The following OR2M4 variants were observed in gnomAD, a reference collection of about 807,000 sequenced individuals.
OR2M4 encodes olfactory receptor family 2 subfamily M member 4.
OR2M4 carries 8 observed loss-of-function variants against 13.7 expected under a neutral mutation model. The ratio of observed to expected loss-of-function variants is 0.58; its 90% CI spans 0.34 to 1.05. The LOEUF is 1.05. OR2M4 is among the 50% of genes least tolerant of loss of function. OR2M4 has a pLI of 0.02. For missense variants in OR2M4, 374 were observed against 381.6 expected, an observed-to-expected ratio of 0.98 and a Z score of 0.17; for synonymous variants, 152 against 141.3, an observed-to-expected ratio of 1.08 and a Z score of -0.53.
In OR2M4 at chr1:248,239,644, CTA is replaced by C; in HGVS notation, c.717_718del (p.Thr240LeufsTer25). On this transcript the variant is annotated frameshift_variant, in exon 2 of 2. Transcript: ENST00000641868. LOFTEE classifies it high-confidence loss of function. Reference sequence around the variant, plus strand: ...GGGGAAAGTCGTCGCAAGGCCTTCACTACCTGCTCCTCCCACCTGTCTGTGGT... The same window carrying C: ...GGGGAAAGTCGTCGCAAGGCCTTCACCCTGCTCCTCCCACCTGTCTGTGGT... 6.2e-7 allele frequency: 1 copy of C among 1,614,136 alleles called. No homozygotes were observed. The highest frequency in any genetic ancestry group is 8.5e-7 in the Non-Finnish European group (1 of 1,180,022).
chr1:248,241,165 G>A lies in OR2M4; in HGVS notation c.*1301G>A, dbSNP rs751093288. 14 of 152,362 alleles carry A rather than the reference G, an allele frequency of 9.2e-5. No individual in the cohort carries two copies. The highest frequency in any genetic ancestry group is 3.3e-4 in the Admixed American group (5 of 15,302). The allele number at this position is 152,362 out of a possible 1,614,324, so 9.4% of individuals were successfully genotyped here. ...AGAGACAGCAGCTGGGGCAACTGAG[G>A]TTGTGCTGGCATCACCCTTGCCTAA... On this transcript the variant is annotated 3_prime_UTR_variant, in exon 2 of 2. Coordinates refer to ENST00000641868, the MANE Select transcript of OR2M4 (RefSeq NM_017504.2).
chr1:248,238,811 G>A (rs1324210154), intron 1 of OR2M4, 99 bp from the exon 2 acceptor site: 1 of 673,258 alleles, frequency 1.5e-6, no homozygotes, highest in African/African-American at 1.8e-5. Flanking sequence ...TGGTGAGAAG[G>A]CCTTATGCAT....
At position 248,239,898 on chromosome 1, in the gene OR2M4, T is replaced by C. The variant is rs1666601191; in HGVS notation, c.*34T>C. 1 of 1,319,262 alleles carries C rather than the reference T, an allele frequency of 7.6e-7. No homozygotes were observed. The highest frequency in any genetic ancestry group is 1.5e-5 in the African/African-American group (1 of 67,536). The allele number at this position is 1,319,262 out of a possible 1,614,324, so 81.7% of individuals were successfully genotyped here. A position where few individuals can be genotyped will look rare whatever the true frequency, so the allele number is the denominator to read the frequency against. ...AAATCTTTTTGAGTGCCTACTGTGGTCAACACTCATTCAAAAAAACTGGAA... is the reference window on the plus strand; with the variant it reads ...AAATCTTTTTGAGTGCCTACTGTGGCCAACACTCATTCAAAAAAACTGGAA... On this transcript the variant is annotated 3_prime_UTR_variant, in exon 2 of 2. Transcript: ENST00000641868.
chr1:248,234,330 G>A (rs748601238), intron 1 of OR2M4, among the ~76,000 whole-genome samples: 24 of 151,736 alleles, frequency 1.6e-4, no homozygotes, highest in Admixed American at 8.5e-4. Flanking sequence ...TACATGTGCA[G>A]AACATGCGGG....
rs1413089932 is a variant in OR2M4 at position 248,240,050 on chromosome 1, A to G, written c.*186A>G. 3 of 488,026 alleles carry G rather than the reference A, an allele frequency of 6.1e-6. No homozygotes were observed. The highest frequency in any genetic ancestry group is 2.0e-5 in the African/African-American group (1 of 50,692). 30.2% of individuals were successfully genotyped at this position (488,026 alleles called of 1,614,324 possible). ...GTATACTAAGCTAGATTTGGATGTT[A>G]GTATAAGTGGTTTAATCCCTGTGAA... is the stretch of plus-strand genomic sequence containing the variant. On this transcript the variant is annotated 3_prime_UTR_variant, in exon 2 of 2. Coordinates refer to ENST00000641868, the MANE Select transcript of OR2M4 (RefSeq NM_017504.2).
rs1193052148 is a variant in OR2M4 at position 248,239,206 on chromosome 1, C to T, written c.278C>T (p.Ser93Phe). The T allele has an allele frequency of 6.2e-7, 1 of 1,614,164 alleles. No homozygotes were observed. The highest frequency in any genetic ancestry group is 1.1e-5 in the South Asian group (1 of 91,084). ...TACTTGTCTGGGAAGAAATCTATCT[C>T]TCTGGCAGGTTGTGGAACTCAGATA... ...FSYLSGKKSI[S>F]LAGCGTQIFF... The change falls in exon 2 of 2, where the codon TCT (serine) becomes TTT (phenylalanine). Residue 93 changes from serine to phenylalanine, a missense_variant. By Grantham distance (155) the Ser-to-Phe change is radical. Transcript: ENST00000641868.
At chr1:248,235,775 G>T (rs2103022085) in intron 1 of OR2M4, among the ~76,000 whole-genome samples, 1 of 152,206 alleles carries the variant, frequency 6.6e-6, no homozygotes, top group East Asian at 1.9e-4. Context: ...GTAAATGGAA[G>T]TTCATTCATG....
At position 248,239,680 on chromosome 1, in the gene OR2M4, A is replaced by G. The variant is rs142912142; in HGVS notation, c.752A>G (p.Tyr251Cys). The G allele has an allele frequency of 2.5e-6, 4 of 1,613,908 alleles. No homozygotes were observed. In the African/African-American group the frequency reaches 4.0e-5, roughly 16 times the overall value. Residue 251 changes from tyrosine (Y) to cysteine (C), a missense_variant, in exon 2 of 2, where the codon TAC (tyrosine) becomes TGC (cysteine). Tyr to Cys is a radical substitution (Grantham distance 194). Coordinates refer to ENST00000641868, the MANE Select transcript of OR2M4 (RefSeq NM_017504.2). The part of the protein sequence containing the change: ...CSSHLSVVGL[Y>C]YGAAMFMYMR... Reference sequence around the variant, plus strand: ...TCCCACCTGTCTGTGGTCGGACTCTACTACGGTGCTGCTATGTTCATGTAC... The same window carrying G: ...TCCCACCTGTCTGTGGTCGGACTCTGCTACGGTGCTGCTATGTTCATGTAC...
chr1:248,232,587 C>T lies in OR2M4; in HGVS notation c.-20+1007C>T, dbSNP rs77207365. ...ATTCTTCCTCTCACTTAGTCAAGTG[C>T]CTTCTATCATTTTCCTCATTCTTCT... On this transcript the variant is annotated intron_variant, in intron 1 of 1. Transcript: ENST00000641868. Among the ~76,000 whole-genome samples the T allele has an allele frequency of 4.4e-3, 665 of 152,210 alleles. 4 individuals carry two copies. The highest frequency in any genetic ancestry group is 0.015 in the African/African-American group (619 of 41,520).
Position 248,239,741 on chromosome 1 carries a change from C to A in OR2M4, c.813C>A (p.Asp271Glu), listed in dbSNP as rs1190135768. ...RPASKHTPDQ[D>E]KMVSAFYTIL... is the part of the protein sequence containing the mutation. ...CTTCTAAACATACGCCAGACCAGGA[C>A]AAGATGGTGTCGGCCTTCTACACTA... The change falls in exon 2 of 2, where the codon GAC becomes GAA. Residue 271 changes from aspartate to glutamate, a missense_variant. Asp to Glu is a conservative substitution (Grantham distance 45). Transcript: ENST00000641868. 2.5e-6 allele frequency: 4 copies of A among 1,613,966 alleles called. No homozygotes were observed. Among genetic ancestry groups the A allele is most frequent in the Admixed American group, 1.7e-5 (1 of 59,986 alleles).
intron 1 of OR2M4, among the ~76,000 whole-genome samples, chr1:248,233,116 A>G (rs1359444992): frequency 6.6e-6 from 1 of 152,116 alleles, no homozygotes; most frequent in African/African-American, 2.4e-5. Context: ...GGTCTCTGTT[A>G]TTTAGTTTTC....
chr1:248,233,858 GA>G (rs1253705064), intron 1 of OR2M4, among the ~76,000 whole-genome samples: 2 of 151,748 alleles, frequency 1.3e-5, no homozygotes, highest in African/African-American at 4.8e-5. Context: ...AGCCATGTTT[GA>G]AAAAAAGGCG....
intron 1 of OR2M4, among the ~76,000 whole-genome samples, chr1:248,237,474 T>C (rs934862401): frequency 9.9e-5 from 15 of 152,038 alleles, no homozygotes; most frequent in Non-Finnish European, 1.8e-4. Flanking sequence ...ACCAACATGG[T>C]GTAACCCTAT....
rs1212375478 is a variant in OR2M4, at chr1:248,240,955, G to A, written c.*1091G>A. On this transcript the variant is annotated 3_prime_UTR_variant, in exon 2 of 2. Coordinates refer to ENST00000641868, the MANE Select transcript of OR2M4 (RefSeq NM_017504.2). ...ATTTAAACCAGCCCTTGTCAGAGGG[G>A]AATTACTGATCCCAGTGGTCAAAAC... is the stretch of plus-strand genomic sequence containing the variant. The A allele has an allele frequency of 6.6e-6, 1 of 152,242 alleles. No homozygotes were observed. The highest frequency in any genetic ancestry group is 2.4e-5 in the African/African-American group (1 of 41,438). 9.4% of individuals were successfully genotyped at this position (152,242 alleles called of 1,614,324 possible).
At position 248,240,943 on chromosome 1, in the gene OR2M4, C is replaced by T. The variant is rs1666613499; in HGVS notation, c.*1079C>T. 6.6e-6 allele frequency: 1 copy of T among 152,218 alleles called. No individual in the cohort carries two copies. The highest frequency in any genetic ancestry group is 6.5e-5 in the Admixed American group (1 of 15,284). The allele number at this position is 152,218 out of a possible 1,614,324, so 9.4% of individuals were successfully genotyped here. On this transcript the variant is annotated 3_prime_UTR_variant, in exon 2 of 2. Coordinates refer to ENST00000641868, the MANE Select transcript of OR2M4 (RefSeq NM_017504.2). Reference sequence around the variant, plus strand: ...CACAGACAGAGCATTTAAACCAGCCCTTGTCAGAGGGGAATTACTGATCCC... The same window carrying T: ...CACAGACAGAGCATTTAAACCAGCCTTTGTCAGAGGGGAATTACTGATCCC...
Position 248,240,536 on chromosome 1 carries a change from C to T in OR2M4, c.*672C>T, listed in dbSNP as rs1666608651. 6.6e-6 allele frequency: 1 copy of T among 152,106 alleles called. No homozygotes were observed. Among genetic ancestry groups the T allele is most frequent in the African/African-American group, 2.4e-5 (1 of 41,416 alleles). The allele number at this position is 152,106 out of a possible 1,614,324, so 9.4% of individuals were successfully genotyped here. A position where few individuals can be genotyped will look rare whatever the true frequency, so the allele number is the denominator to read the frequency against. ...CATCTGTATCATGTCTGCTTTTATT[C>T]CTTATAATCCTTATATTAACCATCA... On this transcript the variant is annotated 3_prime_UTR_variant, in exon 2 of 2. Coordinates refer to ENST00000641868, the MANE Select transcript of OR2M4 (RefSeq NM_017504.2).
intron 1 of OR2M4, among the ~76,000 whole-genome samples, chr1:248,237,843 T>C (rs1666574119): frequency 6.6e-6 from 1 of 152,196 alleles, no homozygotes; most frequent in Non-Finnish European, 1.5e-5. Context: ...GAGCCTTTGC[T>C]CACTGTGGTA....
At position 248,239,808 on chromosome 1, in the gene OR2M4, A is replaced by C. The variant is rs968122610; in HGVS notation, c.880A>C (p.Asn294His). The change falls in exon 2 of 2, where the codon AAC (asparagine) becomes CAC (histidine). Residue 294 changes from asparagine to histidine, a missense_variant. Coordinates refer to ENST00000641868, the MANE Select transcript of OR2M4 (RefSeq NM_017504.2). ...MLNPLIYSLR[N>H]KEVFRALQKV... ...GAACCCTCTCATTTATAGCCTCCGC[A>C]ACAAAGAAGTGTTCAGGGCACTACA... 10 of 1,613,992 alleles carry C rather than the reference A, an allele frequency of 6.2e-6. No individual in the cohort carries two copies. The highest frequency in any genetic ancestry group is 3.4e-6 in the Non-Finnish European group (4 of 1,179,976).
chr1:248,238,390 AG>A (rs1051112020), intron 1 of OR2M4, among the ~76,000 whole-genome samples: 28 of 152,296 alleles, frequency 1.8e-4, no homozygotes, highest in African/African-American at 5.3e-4. Flanking sequence ...TGAAGTGTAC[AG>A]GTGTCCCCAA....
Sources: allele counts gnomAD v4.1 joint callset (sites outside exome capture counted in the v4.1 genomes callset), GRCh38; gene constraint gnomAD v4.1.1; transcripts MANE v1.5; gene names NCBI Gene and HGNC (gene_info 2026-07-23, HGNC 2026-07-21).